The following CELSR1 variants were observed in gnomAD, a reference collection of about 807,000 sequenced individuals.
The protein encoded by CELSR1 is adhesion G protein-coupled receptor C1.
CELSR1 carries 110 observed loss-of-function variants against 249.1 expected under a neutral mutation model. The observed-to-expected ratio is 0.44, with a 90% CI of 0.38 to 0.52. The LOEUF (loss-of-function observed/expected upper bound fraction) is 0.52. Among genes scored for constraint, CELSR1 ranks in the 20% least tolerant of loss-of-function variants. The pLI, the probability that CELSR1 is intolerant of heterozygous loss-of-function variation, is 0.00. For missense variants in CELSR1, 4,109 were observed against 4,296.4 expected, an observed-to-expected ratio of 0.96 and a Z score of 1.22; for synonymous variants, 2,113 against 1,900.0, an observed-to-expected ratio of 1.11 and a Z score of -2.92.
Position 46,399,695 on chromosome 22 carries a change from G to C in CELSR1, c.5412+22C>G. 1 of 1,611,948 alleles carries C rather than the reference G, an allele frequency of 6.2e-7. No individual in the cohort carries two copies. Among genetic ancestry groups the C allele is most frequent in the African/African-American group, 1.3e-5 (1 of 75,014 alleles). On this transcript the variant is annotated intron_variant, in intron 10 of 34. Transcript: ENST00000674500. The surrounding 1 kb of genome is among the most constrained non-coding windows in gnomAD (Gnocchi z 5.0). The stretch of plus-strand genomic sequence containing the variant: ...GCCGGAGGAAGGGTCTATCCCCAGA[G>C]GAGGTGCAGGTGCCAGCTCACCTGG...
intron 3 of CELSR1, 127 bp downstream of exon 3, chr22:46,439,062 G>A: frequency 1.1e-6 from 1 of 930,406 alleles, no homozygotes; most frequent in Non-Finnish European, 1.6e-6. Flanking sequence ...CTGGCCTGGA[G>A]CTACTCAACT....
chr22:46,471,106 C>CA lies in CELSR1; in HGVS notation c.3545-6762dup, dbSNP rs1479713388. Reference sequence around the variant, plus strand: ...CACCACTGCACTCCAGCCTGGGCGACAGAGTGAGACTCCACCTCAAAAAAA... The same window carrying CA: ...CACCACTGCACTCCAGCCTGGGCGACAAGAGTGAGACTCCACCTCAAAAAAA... On this transcript the variant is annotated intron_variant, in intron 1 of 34. Coordinates refer to ENST00000674500, the MANE Select transcript of CELSR1 (RefSeq NM_001378328.1). The surrounding 1 kb of genome is among the most constrained non-coding windows in gnomAD (Gnocchi z 4.9). Among the ~76,000 whole-genome samples the CA allele has an allele frequency of 1.3e-5, 2 of 152,022 alleles. No homozygotes were observed. The highest frequency in any genetic ancestry group is 2.9e-5 in the Non-Finnish European group (2 of 68,012).
intron 24 of CELSR1, 34 bp from the exon 25 acceptor site, chr22:46,373,091 T>C: frequency 1.4e-5 from 21 of 1,543,014 alleles, no homozygotes; most frequent in Non-Finnish European, 1.8e-5. Context: ...CAAGGGCCCC[T>C]GCATCCCAGG....
At chr22:46,459,271 C>CCGAGTCCTAAGG (rs1471309800) in intron 2 of CELSR1, among the ~76,000 whole-genome samples, 1 of 152,116 alleles carries the variant, frequency 6.6e-6, no homozygotes, top group Non-Finnish European at 1.5e-5. Context: ...GGATTCAAAA[C>CCGAGTCCTAAGG]CGAGTCCTAA....
In CELSR1 at chr22:46,396,700, G is replaced by A. The variant is rs772113407; in HGVS notation, c.5748C>T (p.Cys1916=). Reference sequence around the variant, plus strand: ...AGCGCACGCAGGCCCCCATGTTCTCGCAGGGGTTCAGGTGACAGGCATCCA... The same window carrying A: ...AGCGCACGCAGGCCCCCATGTTCTCACAGGGGTTCAGGTGACAGGCATCCA... ...NCVDACHLNP[C]ENMGACVRSP... The change falls in exon 13 of 35, where the codon TGC becomes TGT. Residue 1916 remains cysteine, a synonymous_variant. Transcript: ENST00000674500. The surrounding 1 kb of genome is among the most constrained non-coding windows in gnomAD (Gnocchi z 6.4). 3.2e-5 allele frequency: 52 copies of A among 1,612,660 alleles called. 1 individual carries two copies. Among genetic ancestry groups the A allele is most frequent in the East Asian group, 2.0e-4 (9 of 44,806 alleles).
intron 31 of CELSR1, 36 bp downstream of exon 31, chr22:46,365,550 A>C: frequency 6.4e-7 from 1 of 1,556,806 alleles, no homozygotes; most frequent in Non-Finnish European, 8.7e-7. Flanking sequence ...TGGGAAAAAC[A>C]ACCCACGGGG....
At position 46,395,466 on chromosome 22, in the gene CELSR1, C is replaced by T. The variant is rs1181368049; in HGVS notation, c.5843+1139G>A. The stretch of plus-strand genomic sequence containing the variant: ...CAGCTTGGCTCTGTTGCTTTCGCTC[C>T]CAGAATGCCCTCCCGCTTCAGCCAC... On this transcript the variant is annotated intron_variant, in intron 13 of 34. Transcript: ENST00000674500. This position sits in a 1 kb window ranked among gnomAD's most constrained non-coding sequence, Gnocchi z 5.5. Among the ~76,000 whole-genome samples, 1 of 152,110 alleles carries T rather than the reference C, an allele frequency of 6.6e-6. No homozygotes were observed. The highest frequency in any genetic ancestry group is 1.5e-5 in the Non-Finnish European group (1 of 68,016).
Position 46,363,469 on chromosome 22 carries a change from G to A in CELSR1, c.9036-222C>T. Reference sequence around the variant, plus strand: ...GGGCCTCTGTGTTGCTGGTCTTTCAGAAGAGCGCAAGGAATCCACGTTAGA... The same window carrying A: ...GGGCCTCTGTGTTGCTGGTCTTTCAAAAGAGCGCAAGGAATCCACGTTAGA... On this transcript the variant is annotated intron_variant, in intron 34 of 34. Coordinates refer to ENST00000674500, the MANE Select transcript of CELSR1 (RefSeq NM_001378328.1). This position sits in a 1 kb window ranked among gnomAD's most constrained non-coding sequence, Gnocchi z 4.3. 7.8e-6 allele frequency: 4 copies of A among 514,474 alleles called. No individual in the cohort carries two copies. The highest frequency in any genetic ancestry group is 7.0e-5 in the South Asian group (3 of 42,712). The allele number at this position is 514,474 out of a possible 1,614,324, so 31.9% of individuals were successfully genotyped here.
In CELSR1 at chr22:46,445,435, G is replaced by A. The variant is rs543621579; in HGVS notation, c.4184-6024C>T. Reference sequence around the variant, plus strand: ...CTTGAATCCAGGAGGTAGAGATTGCGGTGAACCAAAAATTGCACCATTGCA... The same window carrying A: ...CTTGAATCCAGGAGGTAGAGATTGCAGTGAACCAAAAATTGCACCATTGCA... On this transcript the variant is annotated intron_variant, in intron 2 of 34. Transcript: ENST00000674500. This position sits in a 1 kb window ranked among gnomAD's most constrained non-coding sequence, Gnocchi z 4.4. 8.0e-4 allele frequency among the ~76,000 whole-genome samples: 122 copies of A among 152,232 alleles called. No individual in the cohort carries two copies. The highest frequency in any genetic ancestry group is 2.6e-3 in the African/African-American group (108 of 41,534).
intron 1 of CELSR1, among the ~76,000 whole-genome samples, chr22:46,489,543 G>C (rs999574012): frequency 7.2e-5 from 11 of 152,088 alleles, no homozygotes; most frequent in African/African-American, 2.2e-4. Flanking sequence ...TAAGAGGAGA[G>C]ACATGGCCCA....
chr22:46,405,071 C>T (rs1169184911), intron 9 of CELSR1, among the ~76,000 whole-genome samples: 2 of 151,958 alleles, frequency 1.3e-5, no homozygotes, highest in Admixed American at 6.6e-5. Context: ...GTGATCCACC[C>T]GCCTCAGTCT....
In CELSR1 at chr22:46,363,190, G is replaced by C. The variant is rs369149647; in HGVS notation, c.*33C>G. On this transcript the variant is annotated 3_prime_UTR_variant, in exon 35 of 35. Transcript: ENST00000674500. The surrounding 1 kb of genome is among the most constrained non-coding windows in gnomAD (Gnocchi z 4.3). ...TGACGGGCTTGCCTCACGGTTTCCT[G>C]ATGGTTCAAATTGAAGTTTCATTAC... 1.3e-6 allele frequency: 2 copies of C among 1,579,138 alleles called. No individual in the cohort carries two copies. Among genetic ancestry groups the C allele is most frequent in the South Asian group, 2.2e-5 (2 of 90,986 alleles).
At chr22:46,523,559 T>TAAATAAATAAATAAATAAATAAAA (rs1355440974) in intron 1 of CELSR1, among the ~76,000 whole-genome samples, 1 of 130,786 alleles carries the variant, frequency 7.6e-6, no homozygotes, top group African/African-American at 2.7e-5. Context: ...AATAAATAAA[T>TAAATAAATAAATAAATAAATAAAA]AAAATAAAAA....
intron 1 of CELSR1, among the ~76,000 whole-genome samples, chr22:46,532,842 C>G (rs1242487306): frequency 6.6e-6 from 1 of 152,136 alleles, no homozygotes; most frequent in Non-Finnish European, 1.5e-5. Flanking sequence ...CACCGCAGAC[C>G]AGCCCCGGCA....
In CELSR1 at chr22:46,436,456, T is replaced by C. The variant is rs1297367086; in HGVS notation, c.4407-167A>G. On this transcript the variant is annotated intron_variant, in intron 3 of 34. Coordinates refer to ENST00000674500, the MANE Select transcript of CELSR1 (RefSeq NM_001378328.1). This position sits in a 1 kb window ranked among gnomAD's most constrained non-coding sequence, Gnocchi z 5.9. ...CATAGGAGCAGACAGCCCATCAAGCTTGATAAGCAGGGTTCTTTTCTGGAA... is the reference window on the plus strand; with the variant it reads ...CATAGGAGCAGACAGCCCATCAAGCCTGATAAGCAGGGTTCTTTTCTGGAA... Among the ~76,000 whole-genome samples, 1 of 152,160 alleles carries C rather than the reference T, an allele frequency of 6.6e-6. No individual in the cohort carries two copies. The highest frequency in any genetic ancestry group is 1.9e-4 in the East Asian group (1 of 5,194).
chr22:46,536,349 C>T lies in CELSR1; in HGVS notation c.822G>A (p.Glu274=). ...AATAGCTCACGCGCTCCTCCTCGCC[C>T]TCGATGGTGTAGTGCGCGTGCAGCT... ...ILQLHAHYTI[E]GEEERVSYYM... Residue 274 remains glutamate (E), a synonymous_variant, in exon 1 of 35, where the codon GAG becomes GAA. Transcript: ENST00000674500. 6.2e-7 allele frequency: 1 copy of T among 1,612,700 alleles called. No individual in the cohort carries two copies. Among genetic ancestry groups the T allele is most frequent in the Non-Finnish European group, 8.5e-7 (1 of 1,179,812 alleles).
chr22:46,372,518 A>AC (rs1210492111), intron 25 of CELSR1, among the ~76,000 whole-genome samples: 1 of 83,090 alleles, frequency 1.2e-5, no homozygotes, highest in Non-Finnish European at 2.3e-5. Context: ...CCCCCCACCC[A>AC]CCCATTCATC....
chr22:46,384,182 C>T (rs955470587), intron 20 of CELSR1, among the ~76,000 whole-genome samples: 7 of 151,062 alleles, frequency 4.6e-5, no homozygotes, highest in Admixed American at 1.3e-4. Context: ...GTGATCTGCC[C>T]GCCTCGGCCT....
intron 2 of CELSR1, among the ~76,000 whole-genome samples, chr22:46,455,470 T>C (rs997119457): frequency 6.6e-6 from 1 of 152,204 alleles, no homozygotes; most frequent in Admixed American, 6.5e-5. Flanking sequence ...CCTCAGGTGA[T>C]CCACCTGCCT....
Sources: gnomAD v4.1 joint callset for allele counts (sites outside exome capture counted in the v4.1 genomes callset) on GRCh38, gnomAD v4.1.1 for gene constraint, Gnocchi (gnomAD v3.1) non-coding constraint, MANE v1.5 for transcripts, NCBI Gene and HGNC (gene_info 2026-07-23, HGNC 2026-07-21) for gene names.